Variants in JMJD1C observed in about 807,000 individuals in gnomAD.
JMJD1C encodes the protein jumonji domain-containing protein 1C.
Under a neutral mutation model 245.3 loss-of-function variants are expected in JMJD1C, and 31 were observed. The ratio of observed to expected loss-of-function variants is 0.13; its 90% CI spans 0.09 to 0.17. The LOEUF is 0.17. Ranked by LOEUF, JMJD1C falls within the 10% of genes least tolerant of loss-of-function variation. The pLI is 1.00. For synonymous variants in JMJD1C, 1,057 were observed against 1,017.4 expected (o/e 1.04, Z -0.74); for missense variants, 2,691 against 3,000.2 (o/e 0.90, Z 2.41).
intron 1 of JMJD1C, among the ~76,000 whole-genome samples, chr10:63,402,380 T>C (rs968097213): frequency 4.6e-5 from 7 of 152,176 alleles, no homozygotes; most frequent in Non-Finnish European, 7.3e-5. Context: ...AAATTGTTAG[T>C]CCTTTGTGTT....
intron 5 of JMJD1C, among the ~76,000 whole-genome samples, chr10:63,216,479 G>C (rs1008141529): frequency 5.9e-5 from 9 of 152,074 alleles, no homozygotes; most frequent in African/African-American, 1.4e-4. Flanking sequence ...GGGAGGCTGA[G>C]GTGGGCAGAT....
At chr10:63,337,704 C>A (rs1209379670) in intron 2 of JMJD1C, among the ~76,000 whole-genome samples, 1 of 151,978 alleles carries the variant, frequency 6.6e-6, no homozygotes, top group Non-Finnish European at 1.5e-5. Context: ...GGGGAAGCCT[C>A]ATATAGATTA....
Position 63,281,764 on chromosome 10 carries a change from C to G in JMJD1C, c.334-17000G>C, listed in dbSNP as rs531467773. Among the ~76,000 whole-genome samples, 104 of 152,170 alleles carry G rather than the reference C, an allele frequency of 6.8e-4. 1 individual carries two copies. The highest frequency in any genetic ancestry group is 2.4e-3 in the African/African-American group (101 of 41,538). ...GATTACAGGCATGAGCCACCATGCC[C>G]AGCCAATCCTTTACCTCTTGAGGAT... On this transcript the variant is annotated intron_variant, in intron 2 of 25. Coordinates refer to ENST00000399262, the MANE Select transcript of JMJD1C (RefSeq NM_032776.3).
chr10:63,519,412 G>A (rs1419529660), intron 1 of JMJD1C, among the ~76,000 whole-genome samples: 3 of 152,156 alleles, frequency 2.0e-5, no homozygotes, highest in African/African-American at 7.2e-5. Context: ...TAAATCTGAT[G>A]CCTAAAGAGT....
chr10:63,369,951 TGA>T (rs1767025598), intron 2 of JMJD1C, among the ~76,000 whole-genome samples: 1 of 152,144 alleles, frequency 6.6e-6, no homozygotes, highest in African/African-American at 2.4e-5. Flanking sequence ...CCAGAAGAAG[TGA>T]GAACTAAAGT....
chr10:63,216,465 C>T (rs1472078948), intron 5 of JMJD1C, among the ~76,000 whole-genome samples: 3 of 151,924 alleles, frequency 2.0e-5, no homozygotes, highest in Non-Finnish European at 2.9e-5. Flanking sequence ...AATCCCAGCA[C>T]TTTGGGAGGC....
chr10:63,308,994 T>C (rs900874559), intron 2 of JMJD1C, among the ~76,000 whole-genome samples: 11 of 152,148 alleles, frequency 7.2e-5, no homozygotes, highest in Non-Finnish European at 4.4e-5. Context: ...AATGGCAGAA[T>C]GGCAGGCTTG....
intron 2 of JMJD1C, among the ~76,000 whole-genome samples, chr10:63,327,966 G>A (rs564729655): frequency 1.8e-4 from 27 of 152,020 alleles, no homozygotes; most frequent in East Asian, 9.8e-4. Context: ...CACCATGCCC[G>A]GCTGAAATTT....
chr10:63,434,369 C>A (rs10761768), intron 1 of JMJD1C, among the ~76,000 whole-genome samples: 100,203 of 151,914 alleles, frequency 0.66, 35,970 homozygotes, highest in Non-Finnish European at 0.81. Flanking sequence ...TTTCTGATCA[C>A]ACCAGTTTAA....
chr10:63,325,535 T>A (rs1162347783), intron 2 of JMJD1C, among the ~76,000 whole-genome samples: 2 of 152,140 alleles, frequency 1.3e-5, no homozygotes, highest in Admixed American at 1.3e-4. Context: ...AAATAAGCAA[T>A]GTCAATTTCT....
intron 21 of JMJD1C, among the ~76,000 whole-genome samples, chr10:63,184,002 A>G (rs546541856): frequency 6.6e-6 from 1 of 152,144 alleles, no homozygotes; most frequent in Admixed American, 6.6e-5. Context: ...ATCTCGACTC[A>G]CTGCAACCTC....
In JMJD1C at chr10:63,385,488, A is replaced by T. The variant is rs574882597; in HGVS notation, c.169-5006T>A. Among the ~76,000 whole-genome samples, 109 of 118,988 alleles carry T rather than the reference A, an allele frequency of 9.2e-4. No homozygotes were observed. The South Asian group carries it at 0.013, about 14-fold the overall frequency. 78.1% of individuals were successfully genotyped at this position (118,988 alleles called of 152,430 possible). ...GGTCTTGCTCTATCACCCAGGCTGG[A>T]GTATAGTGGTAAGATCATAGCTCCC... is the stretch of plus-strand genomic sequence containing the variant. On this transcript the variant is annotated intron_variant, in intron 1 of 25. Transcript: ENST00000399262.
rs548708346 is a variant in JMJD1C, at chr10:63,239,106, T to G, written c.448-19123A>C. Reference sequence around the variant, plus strand: ...AAAGTATGAAACCAAGGTTTTTGAGTTGGAACTTCAAAACTGCAAGGGCAT... The same window carrying G: ...AAAGTATGAAACCAAGGTTTTTGAGGTGGAACTTCAAAACTGCAAGGGCAT... On this transcript the variant is annotated intron_variant, in intron 3 of 25. Transcript: ENST00000399262. Among the ~76,000 whole-genome samples the G allele has an allele frequency of 2.0e-5, 3 of 152,236 alleles. No homozygotes were observed. In the South Asian group the frequency reaches 6.2e-4, roughly 32 times the overall value.
At chr10:63,173,816 CATT>C (rs1842623698) in intron 24 of JMJD1C, among the ~76,000 whole-genome samples, 2 of 134,602 alleles carry the variant, frequency 1.5e-5, no homozygotes. Flanking sequence ...AGATAAAAGA[CATT>C]ATCAGAAATT....
chr10:63,437,597 A>G (rs1951128697), intron 1 of JMJD1C, among the ~76,000 whole-genome samples: 1 of 152,142 alleles, frequency 6.6e-6, no homozygotes, highest in African/African-American at 2.4e-5. Context: ...ATTGTCTTCC[A>G]TTTTACAAAA....
rs12263755 is a variant in JMJD1C at position 63,390,947 on chromosome 10, C to T, written c.169-10465G>A. Among the ~76,000 whole-genome samples, 1,231 of 152,218 alleles carry T rather than the reference C, an allele frequency of 8.1e-3. 21 individuals are homozygous for T. The highest frequency in any genetic ancestry group is 0.028 in the African/African-American group (1,148 of 41,522). ...AAGAACTGGAACAAAACAAAAAAGC[C>T]GCCACTCTCTTCACTCCTATCCAAC... On this transcript the variant is annotated intron_variant, in intron 1 of 25. Transcript: ENST00000399262.
At chr10:63,390,409 T>A (rs887015680) in intron 1 of JMJD1C, among the ~76,000 whole-genome samples, 2 of 150,814 alleles carry the variant, frequency 1.3e-5, no homozygotes, top group Non-Finnish European at 3.0e-5. Context: ...AAAAGAAGAG[T>A]TCAGGATCAG....
chr10:63,189,391 A>G lies in JMJD1C; in HGVS notation c.6347T>C (p.Val2116Ala), dbSNP rs1313728604. Residue 2116 changes from valine to alanine, a missense_variant, in exon 18 of 26, where the codon GTT (valine) becomes GCT (alanine). Around this residue, in one of 9 missense-constraint regions of JMJD1C, gnomAD observed 275 missense variants for 285.5 expected, o/e 0.96. Coordinates refer to ENST00000399262, the MANE Select transcript of JMJD1C (RefSeq NM_032776.3). ...PNILDDIIAS[V>A]VENKIPPSKT... ...ACTTGGTGGAATTTTGTTTTCAACAACTGAAGCAATTATGTCATCAAGAAT... is the reference window on the plus strand; with the variant it reads ...ACTTGGTGGAATTTTGTTTTCAACAGCTGAAGCAATTATGTCATCAAGAAT... The G allele has an allele frequency of 6.2e-7, 1 of 1,613,756 alleles. No individual in the cohort carries two copies. The highest frequency in any genetic ancestry group is 1.1e-5 in the South Asian group (1 of 91,080).
At chr10:63,433,193 T>A (rs1040156076) in intron 1 of JMJD1C, among the ~76,000 whole-genome samples, 1 of 151,850 alleles carries the variant, frequency 6.6e-6, no homozygotes. Flanking sequence ...CCGACCCCAG[T>A]TCAAGCGATT....
Sources: gnomAD v4.1 joint callset for allele counts (sites outside exome capture counted in the v4.1 genomes callset) on GRCh38, gnomAD v4.1.1 for gene constraint, gnomAD v4.1.1 regional missense constraint, MANE v1.5 for transcripts, NCBI Gene and HGNC (gene_info 2026-07-23, HGNC 2026-07-21) for gene names.